The following RNF214 variants were observed in gnomAD, a reference collection of about 807,000 sequenced individuals.
The protein encoded by RNF214 is ring finger protein 214.
In RNF214, 25 loss-of-function variants were observed where a neutral mutation model predicts 75.9. That is an observed-to-expected ratio of 0.33 (90% CI 0.24 to 0.46). RNF214 has a LOEUF of 0.46. Among genes scored for constraint, RNF214 ranks in the 20% least tolerant of loss-of-function variants. The pLI is 1.00. For synonymous variants in RNF214, 314 were observed against 308.8 expected (o/e 1.02, Z -0.18); for missense variants, 725 against 857.5 (o/e 0.85, Z 1.93).
intron 6 of RNF214, among the ~76,000 whole-genome samples, chr11:117,247,689 A>G (rs1290402342): frequency 6.6e-6 from 1 of 151,918 alleles, no homozygotes; most frequent in Non-Finnish European, 1.5e-5. Context: ...CATCTCTACT[A>G]AAATACACAA....
intron 6 of RNF214, among the ~76,000 whole-genome samples, chr11:117,265,414 T>G (rs554610957): frequency 2.0e-4 from 30 of 151,404 alleles, no homozygotes; most frequent in African/African-American, 6.3e-4. Flanking sequence ...GTTGTTTTGG[T>G]TTTTTTTTCT....
intron 6 of RNF214, among the ~76,000 whole-genome samples, chr11:117,250,892 G>A (rs1591824044): frequency 6.8e-6 from 1 of 147,662 alleles, no homozygotes; most frequent in Middle Eastern, 3.4e-3. Context: ...TCAACCCTGA[G>A]TGGATACAGC....
chr11:117,273,616 T>G (rs957237164), intron 6 of RNF214, among the ~76,000 whole-genome samples: 3 of 151,970 alleles, frequency 2.0e-5, no homozygotes, highest in Non-Finnish European at 4.4e-5. Context: ...AACAGCAGGG[T>G]TTGCAGCAGA....
chr11:117,232,760 G>C (rs2032739603), intron 1 of RNF214, 34 bp downstream of exon 1: 1 of 151,286 alleles, frequency 6.6e-6, no homozygotes, highest in African/African-American at 2.4e-5. Flanking sequence ...TTCCTCCCGG[G>C]GGCGCGGCGC....
At chr11:117,259,118 A>G (rs2033598512) in intron 6 of RNF214, among the ~76,000 whole-genome samples, 1 of 152,104 alleles carries the variant, frequency 6.6e-6, no homozygotes, top group Non-Finnish European at 1.5e-5. Context: ...GATCACGCCC[A>G]GCTAATTTTT....
chr11:117,262,099 T>C (rs533244721), intron 6 of RNF214, among the ~76,000 whole-genome samples: 2 of 151,368 alleles, frequency 1.3e-5, no homozygotes, highest in South Asian at 2.1e-4. Context: ...GATACGAGTC[T>C]GGCTCCGTCC....
At chr11:117,247,110 CATT>C (rs1205068469) in intron 6 of RNF214, among the ~76,000 whole-genome samples, 162 bp downstream of exon 6, 1 of 152,136 alleles carries the variant, frequency 6.6e-6, no homozygotes, top group East Asian at 1.9e-4. Flanking sequence ...CAGTATCAAA[CATT>C]AGACTTAATA....
intron 6 of RNF214, among the ~76,000 whole-genome samples, chr11:117,256,693 A>G (rs999092569): frequency 6.6e-6 from 1 of 152,150 alleles, no homozygotes; most frequent in Non-Finnish European, 1.5e-5. Flanking sequence ...TAAGGCTTAG[A>G]TTTTGAACCA....
chr11:117,253,476 AT>A (rs1375864071), intron 6 of RNF214, among the ~76,000 whole-genome samples: 1 of 152,128 alleles, frequency 6.6e-6, no homozygotes, highest in African/African-American at 2.4e-5. Context: ...TATTGCTGGC[AT>A]TAGAAAGGTG....
At position 117,248,531 on chromosome 11, in the gene RNF214, G is replaced by T. The variant is rs142515895; in HGVS notation, c.959+1583G>T. Among the ~76,000 whole-genome samples the T allele has an allele frequency of 7.7e-4, 117 of 152,318 alleles. 1 individual carries two copies. The highest frequency in any genetic ancestry group is 2.7e-3 in the African/African-American group (111 of 41,578). On this transcript the variant is annotated intron_variant, in intron 6 of 14. Transcript: ENST00000300650. ...GACTGCTGAGTTAGCAAGCTCATGT[G>T]CTGAATCATTTTCTGAGTCTCCAAG...
At chr11:117,280,066 T>G (rs1233787150) in intron 7 of RNF214, 62 bp downstream of exon 7, 1 of 1,520,226 alleles carries the variant, frequency 6.6e-7, no homozygotes. Flanking sequence ...GTATCTACTT[T>G]TGGCATTGTA....
chr11:117,282,318 T>C (rs2034145124), intron 11 of RNF214, 48 bp downstream of exon 11: 1 of 1,583,244 alleles, frequency 6.3e-7, no homozygotes, highest in African/African-American at 1.3e-5. Context: ...AGAGAAATGC[T>C]TATGGGTTAA....
intron 2 of RNF214, among the ~76,000 whole-genome samples, chr11:117,236,127 A>G (rs1047715592): frequency 1.3e-5 from 2 of 151,108 alleles, no homozygotes; most frequent in African/African-American, 4.9e-5. Flanking sequence ...AGCCCGGCTA[A>G]TTTTTGTATT....
At chr11:117,284,937 G>T (rs1037252961) in intron 14 of RNF214, 149 bp from the exon 15 acceptor site, 34 of 604,674 alleles carry the variant, frequency 5.6e-5, no homozygotes, top group African/African-American at 5.6e-4. Flanking sequence ...CTCAAAAAAA[G>T]AAAAAAGAAC....
Position 117,285,197 on chromosome 11 carries a change from G to GA in RNF214, c.*48dup. ...GAAGAAGAGAAACTGATGTGAACAG[G>GA]AAGCGCGGGTTCAAGATTTCTAAAA... On this transcript the variant is annotated 3_prime_UTR_variant, in exon 15 of 15. Coordinates refer to ENST00000300650, the MANE Select transcript of RNF214 (RefSeq NM_207343.4). The GA allele has an allele frequency of 1.5e-6, 2 of 1,318,520 alleles. No homozygotes were observed. The highest frequency in any genetic ancestry group is 2.2e-6 in the Non-Finnish European group (2 of 911,876). 81.7% of individuals were successfully genotyped at this position (1,318,520 alleles called of 1,614,324 possible).
At chr11:117,269,913 G>T (rs1207638185) in intron 6 of RNF214, among the ~76,000 whole-genome samples, 1 of 152,248 alleles carries the variant, frequency 6.6e-6, no homozygotes, top group Non-Finnish European at 1.5e-5. Flanking sequence ...TTTACAATGG[G>T]TTTATTCGGA....
At chr11:117,234,126 T>C in intron 1 of RNF214, 141 bp from the exon 2 acceptor site, 1 of 646,196 alleles carries the variant, frequency 1.5e-6, no homozygotes, top group Non-Finnish European at 2.8e-6. Context: ...TTTAGTACTC[T>C]TAAGTATTTT....
At chr11:117,252,112 G>T (rs900217616) in intron 6 of RNF214, among the ~76,000 whole-genome samples, 1 of 152,194 alleles carries the variant, frequency 6.6e-6, no homozygotes, top group East Asian at 1.9e-4. Flanking sequence ...CAAGTGATGT[G>T]CCCGCCTTGG....
chr11:117,236,383 C>T (rs764175098), intron 2 of RNF214, among the ~76,000 whole-genome samples: 4 of 152,152 alleles, frequency 2.6e-5, no homozygotes, highest in Non-Finnish European at 5.9e-5. Flanking sequence ...AAGCGATTCT[C>T]CTGCCTAAGC....
Sources: allele counts gnomAD v4.1 joint callset (sites outside exome capture counted in the v4.1 genomes callset), GRCh38; gene constraint gnomAD v4.1.1; transcripts MANE v1.5; gene names NCBI Gene and HGNC (gene_info 2026-07-23, HGNC 2026-07-21).